The following ATG10 variants were observed in gnomAD, a reference collection of about 807,000 sequenced individuals.
ATG10 encodes the protein ubiquitin-like-conjugating enzyme ATG10.
Under a neutral mutation model 32.1 loss-of-function variants are expected in ATG10, and 30 were observed. That is an observed-to-expected ratio of 0.94 (90% CI 0.70 to 1.27). ATG10 has a LOEUF of 1.27. Ranked by LOEUF, ATG10 falls within the 50% of genes most tolerant of loss-of-function variation. The pLI is 0.00. For synonymous variants in ATG10, 87 were observed against 91.5 expected (o/e 0.95, Z 0.28); for missense variants, 233 against 262.3 (o/e 0.89, Z 0.77).
At chr5:82,109,677 C>A (rs952945027) in intron 3 of ATG10, among the ~76,000 whole-genome samples, 1 of 151,644 alleles carries the variant, frequency 6.6e-6, no homozygotes, top group East Asian at 1.9e-4. Flanking sequence ...CCTCAAATAA[C>A]CACAATACAT....
At chr5:82,140,017 A>G (rs1561321283) in intron 3 of ATG10, among the ~76,000 whole-genome samples, 2 of 110,554 alleles carry the variant, frequency 1.8e-5, no homozygotes, top group East Asian at 3.0e-4. Flanking sequence ...CCCTACTGGG[A>G]AGTGAGGAGC....
chr5:82,145,825 G>T lies in ATG10; in HGVS notation c.217-18574G>T, dbSNP rs1466299951. 2.6e-5 allele frequency among the ~76,000 whole-genome samples: 4 copies of T among 151,748 alleles called. No individual in the cohort carries two copies. The East Asian group carries it at 7.7e-4, about 29-fold the overall frequency. On this transcript the variant is annotated intron_variant, in intron 3 of 7. Coordinates refer to ENST00000282185, the MANE Select transcript of ATG10 (RefSeq NM_031482.5). Reference sequence around the variant, plus strand: ...GGATTCAAGTGGTTCTTGTGGCTCAGCCTCCTGAGTAGCTGGGATTACAGG... The same window carrying T: ...GGATTCAAGTGGTTCTTGTGGCTCATCCTCCTGAGTAGCTGGGATTACAGG...
chr5:82,032,003 C>A (rs1215024702), intron 2 of ATG10, among the ~76,000 whole-genome samples: 1 of 152,190 alleles, frequency 6.6e-6, no homozygotes, highest in African/African-American at 2.4e-5. Flanking sequence ...TGGGCCTGCC[C>A]AGACAAGGTA....
At chr5:81,993,385 T>TTCC (rs1340742708) in intron 2 of ATG10, among the ~76,000 whole-genome samples, 18 of 121,522 alleles carry the variant, frequency 1.5e-4, no homozygotes, top group African/African-American at 5.3e-4. Context: ...TTTCTTTTCT[T>TTCC]TTCTTTTTTT....
At chr5:82,186,978 T>A (rs2149937869) in intron 5 of ATG10, among the ~76,000 whole-genome samples, 1 of 152,296 alleles carries the variant, frequency 6.6e-6, no homozygotes, top group Admixed American at 6.5e-5. Flanking sequence ...TTTAATGAAT[T>A]CTGTTTGTTC....
chr5:82,126,476 GT>G (rs1411862955), intron 3 of ATG10, among the ~76,000 whole-genome samples: 1 of 50,998 alleles, frequency 2.0e-5, no homozygotes, highest in Non-Finnish European at 4.1e-5. Context: ...TTTATTGAGA[GT>G]TTTTTAGCAT....
intron 3 of ATG10, among the ~76,000 whole-genome samples, chr5:82,088,095 C>T (rs1764750902): frequency 6.6e-6 from 1 of 152,080 alleles, no homozygotes; most frequent in African/African-American, 2.4e-5. Flanking sequence ...TAGCTTTTTC[C>T]ACTCACTTTC....
At chr5:82,003,824 C>T (rs1264283270) in intron 2 of ATG10, among the ~76,000 whole-genome samples, 2 of 152,174 alleles carry the variant, frequency 1.3e-5, no homozygotes, top group East Asian at 3.9e-4. Context: ...CCTTCTCCCA[C>T]AATTTTATCT....
At chr5:82,156,711 G>T (rs1394469972) in intron 3 of ATG10, among the ~76,000 whole-genome samples, 1 of 152,100 alleles carries the variant, frequency 6.6e-6, no homozygotes, top group East Asian at 1.9e-4. Context: ...TTTTCAAGAG[G>T]TCAAAATTTT....
At chr5:82,130,891 ACATT>A (rs1213739482) in intron 3 of ATG10, among the ~76,000 whole-genome samples, 1 of 152,136 alleles carries the variant, frequency 6.6e-6, no homozygotes, top group African/African-American at 2.4e-5. Flanking sequence ...AAAGTAGAAA[ACATT>A]CACAGTCAAT....
In ATG10 at chr5:82,230,732, C is replaced by CAA. The variant is rs397881697; in HGVS notation, c.454-21806_454-21805dup. ...TGGGCAACAGAGTGAGACTCCGTCT[C>CAA]AAAAAAAAAAAAAAAAAAAAAAAAA... On this transcript the variant is annotated intron_variant, in intron 5 of 7. Coordinates refer to ENST00000282185, the MANE Select transcript of ATG10 (RefSeq NM_031482.5). Among the ~76,000 whole-genome samples the CAA allele has an allele frequency of 8.2e-3, 480 of 58,478 alleles. 11 individuals carry two copies. The highest frequency in any genetic ancestry group is 0.017 in the Middle Eastern group (1 of 58). 38.4% of individuals were successfully genotyped at this position (58,478 alleles called of 152,430 possible). A position where few individuals can be genotyped will look rare whatever the true frequency, so the allele number is the denominator to read the frequency against.
At chr5:82,053,609 T>G (rs1763496238) in intron 2 of ATG10, among the ~76,000 whole-genome samples, 1 of 151,864 alleles carries the variant, frequency 6.6e-6, no homozygotes, top group Admixed American at 6.6e-5. Context: ...TGGTCTTAGG[T>G]GAAGGGCATT....
chr5:82,224,218 T>C (rs1257451579), intron 5 of ATG10, among the ~76,000 whole-genome samples: 1 of 152,160 alleles, frequency 6.6e-6, no homozygotes, highest in Non-Finnish European at 1.5e-5. Flanking sequence ...TAGATGATAA[T>C]GCTGGAAAAG....
At chr5:82,175,235 A>G (rs1000773582) in intron 4 of ATG10, among the ~76,000 whole-genome samples, 1 of 152,206 alleles carries the variant, frequency 6.6e-6, no homozygotes, top group Non-Finnish European at 1.5e-5. Context: ...AAGCTTTGCC[A>G]GGCCTCATTG....
intron 2 of ATG10, among the ~76,000 whole-genome samples, chr5:82,008,305 T>C (rs1277825269): frequency 6.6e-6 from 1 of 152,152 alleles, no homozygotes; most frequent in Non-Finnish European, 1.5e-5. Context: ...TTTTTTTTTC[T>C]TTACCTTAGG....
At chr5:82,141,891 C>A (rs1207945360) in intron 3 of ATG10, among the ~76,000 whole-genome samples, 4 of 152,034 alleles carry the variant, frequency 2.6e-5, no homozygotes, top group African/African-American at 7.2e-5. Flanking sequence ...TAGCCTCCCT[C>A]ATATCATCTT....
At chr5:82,108,629 T>C (rs900129167) in intron 3 of ATG10, among the ~76,000 whole-genome samples, 13 of 152,176 alleles carry the variant, frequency 8.5e-5, no homozygotes, top group African/African-American at 2.9e-4. Flanking sequence ...TCTAGGTTGT[T>C]TGAGTCTAAG....
intron 3 of ATG10, among the ~76,000 whole-genome samples, chr5:82,130,773 C>T (rs994345541): frequency 1.5e-4 from 23 of 152,034 alleles, no homozygotes; most frequent in African/African-American, 2.2e-4. Flanking sequence ...AGCTGCAGAC[C>T]GGAGCAGTTC....
chr5:82,144,080 A>G (rs933883780), intron 3 of ATG10, among the ~76,000 whole-genome samples: 1 of 152,100 alleles, frequency 6.6e-6, no homozygotes, highest in African/African-American at 2.4e-5. Flanking sequence ...CATAGAATTT[A>G]TCCATTTCAT....
Sources: allele counts gnomAD v4.1 joint callset (sites outside exome capture counted in the v4.1 genomes callset), GRCh38; gene constraint gnomAD v4.1.1; transcripts MANE v1.5; gene names NCBI Gene and HGNC (gene_info 2026-07-23, HGNC 2026-07-21).